The following PAX5 variants were observed in gnomAD, a reference collection of about 807,000 sequenced individuals.
The protein encoded by PAX5 is paired box 5.
PAX5 carries 9 observed loss-of-function variants against 43.7 expected under a neutral mutation model. That is an observed-to-expected ratio of 0.21 (90% CI 0.12 to 0.36). The LOEUF (loss-of-function observed/expected upper bound fraction) is 0.36. Ranked by LOEUF, PAX5 falls within the 10% of genes least tolerant of loss-of-function variation. The probability of loss-of-function intolerance (pLI) is 1.00; values close to 1 mark genes in which losing one functional copy is unlikely to be tolerated. For synonymous variants in PAX5, 228 were observed against 214.3 expected (o/e 1.06, Z -0.56); for missense variants, 383 against 532.7 (o/e 0.72, Z 2.77).
chr9:36,957,338 G>A (rs980892674), intron 6 of PAX5, among the ~76,000 whole-genome samples: 5 of 152,214 alleles, frequency 3.3e-5, no homozygotes, highest in Non-Finnish European at 5.9e-5. Context: ...TCTAAGGGGT[G>A]CTTAAGTTAA....
At chr9:36,846,726 C>A (rs1822612886) in intron 9 of PAX5, 117 bp downstream of exon 9, 1 of 664,726 alleles carries the variant, frequency 1.5e-6, no homozygotes, top group Non-Finnish European at 2.6e-6. Flanking sequence ...TCTGGGCAAG[C>A]TACCCACCCA....
intron 7 of PAX5, among the ~76,000 whole-genome samples, chr9:36,885,428 TG>T (rs1301347767): frequency 6.6e-6 from 1 of 152,110 alleles, no homozygotes; most frequent in Non-Finnish European, 1.5e-5. Context: ...ATCTATAAAA[TG>T]GGGAGGATAA....
rs139280605 is a variant in PAX5, at chr9:36,892,764, G to A, written c.911-10659C>T. Among the ~76,000 whole-genome samples the A allele has an allele frequency of 3.1e-4, 47 of 152,256 alleles. No homozygotes were observed. The East Asian group carries it at 7.9e-3, about 26-fold the overall frequency. ...ATAAATTATGATACTTGCCTGTGGT[G>A]GAATATTTATTATACAGTTTTGAGA... On this transcript the variant is annotated intron_variant, in intron 7 of 9. Transcript: ENST00000358127.
At chr9:36,895,040 C>T (rs1002396856) in intron 7 of PAX5, among the ~76,000 whole-genome samples, 1 of 152,224 alleles carries the variant, frequency 6.6e-6, no homozygotes, top group Non-Finnish European at 1.5e-5. Flanking sequence ...GTGAGTGAGA[C>T]AGCTCTGGGA....
intron 2 of PAX5, among the ~76,000 whole-genome samples, chr9:37,019,544 C>A (rs1182132344): frequency 2.0e-5 from 3 of 152,228 alleles, no homozygotes; most frequent in African/African-American, 2.4e-5. Flanking sequence ...CTCCTTCCAT[C>A]TGAGAGAATT....
intron 8 of PAX5, 54 bp from the exon 9 acceptor site, chr9:36,846,983 G>C (rs1346532977): frequency 7.5e-6 from 10 of 1,327,510 alleles, no homozygotes; most frequent in Non-Finnish European, 1.1e-5. Context: ...ATCCAGTTCA[G>C]AAAAGGCCCT....
rs1167552200 is a variant in PAX5, at chr9:36,882,237, CT to C, written c.911-133del. The C allele has an allele frequency of 1.7e-5, 11 of 633,342 alleles. No homozygotes were observed. Among genetic ancestry groups the C allele is most frequent in the African/African-American group, 3.7e-5 (2 of 53,758 alleles). 39.2% of individuals were successfully genotyped at this position (633,342 alleles called of 1,614,324 possible). A position where few individuals can be genotyped will look rare whatever the true frequency, so the allele number is the denominator to read the frequency against. ...ACGGCAATGTGCCCCCAGCTCCCCC[CT>C]GTCGCTCACACGCTCTCACAAACAC... is the stretch of plus-strand genomic sequence containing the variant. On this transcript the variant is annotated intron_variant, in intron 7 of 9. Coordinates refer to ENST00000358127, the MANE Select transcript of PAX5 (RefSeq NM_016734.3). This position sits in a 1 kb window ranked among gnomAD's most constrained non-coding sequence, Gnocchi z 4.4.
intron 8 of PAX5, among the ~76,000 whole-genome samples, chr9:36,865,255 C>T (rs907234347): frequency 4.6e-5 from 7 of 152,136 alleles, no homozygotes; most frequent in African/African-American, 7.2e-5. Flanking sequence ...GAGCATCCAT[C>T]GAGTCAGCAA....
chr9:36,864,048 G>T (rs1824537344), intron 8 of PAX5, among the ~76,000 whole-genome samples: 1 of 152,242 alleles, frequency 6.6e-6, no homozygotes, highest in Non-Finnish European at 1.5e-5. Context: ...GGCAGAGGTT[G>T]CAGTGAGCCG....
intron 6 of PAX5, among the ~76,000 whole-genome samples, chr9:36,935,664 A>G (rs1831490794): frequency 1.3e-5 from 2 of 152,242 alleles, no homozygotes; most frequent in Admixed American, 6.5e-5. Context: ...ACGGAATTTT[A>G]GTAAGCCCCA....
At chr9:37,023,194 A>G (rs893725963) in intron 1 of PAX5, among the ~76,000 whole-genome samples, 4 of 152,210 alleles carry the variant, frequency 2.6e-5, no homozygotes, top group Non-Finnish European at 5.9e-5. Context: ...GGGAAAAGGA[A>G]TGGAGAAGCT....
intron 2 of PAX5, among the ~76,000 whole-genome samples, chr9:37,017,634 T>TC (rs1839493539): frequency 6.6e-6 from 1 of 152,250 alleles, no homozygotes; most frequent in Non-Finnish European, 1.5e-5. Context: ...TGAATGGGAC[T>TC]GCAACATTCA....
intron 8 of PAX5, among the ~76,000 whole-genome samples, chr9:36,852,016 T>C (rs1007460082): frequency 5.9e-5 from 9 of 152,220 alleles, no homozygotes; most frequent in African/African-American, 2.2e-4. Context: ...TTTGGGTACA[T>C]GCATTCACCT....
intron 8 of PAX5, among the ~76,000 whole-genome samples, chr9:36,870,692 G>GT (rs1825406506): frequency 6.6e-6 from 1 of 152,206 alleles, no homozygotes; most frequent in Non-Finnish European, 1.5e-5. Context: ...TGGGACTTTA[G>GT]CCCAGGGCCT....
chr9:36,931,088 G>C, intron 6 of PAX5: 1 of 405,084 alleles, frequency 2.5e-6, no homozygotes, highest in South Asian at 1.8e-5. Context: ...CACCTGCTGG[G>C]CTCCTGTAGG....
intron 6 of PAX5, among the ~76,000 whole-genome samples, chr9:36,957,177 C>G (rs748320788): frequency 1.3e-5 from 2 of 152,242 alleles, no homozygotes; most frequent in South Asian, 4.1e-4. Context: ...AGCTTCTACA[C>G]GCTTCAGGTT....
At chr9:36,995,027 A>G (rs892366079) in intron 5 of PAX5, among the ~76,000 whole-genome samples, 6 of 151,980 alleles carry the variant, frequency 3.9e-5, no homozygotes, top group African/African-American at 1.5e-4. Context: ...GGGGACATGT[A>G]GACACCTCTC....
intron 6 of PAX5, among the ~76,000 whole-genome samples, chr9:36,958,128 C>T (rs573056782): frequency 2.2e-4 from 33 of 152,282 alleles, no homozygotes; most frequent in African/African-American, 7.0e-4. Flanking sequence ...AGTAGCCCTG[C>T]CCCTGCAGAA....
chr9:36,937,178 T>C lies in PAX5; in HGVS notation c.781-13694A>G, dbSNP rs1019569595. 5.9e-5 allele frequency among the ~76,000 whole-genome samples: 9 copies of C among 152,354 alleles called. No homozygotes were observed. The South Asian group carries it at 1.2e-3, about 21-fold the overall frequency. On this transcript the variant is annotated intron_variant, in intron 6 of 9. Coordinates refer to ENST00000358127, the MANE Select transcript of PAX5 (RefSeq NM_016734.3). ...GGAATAACTTGCATTGACTGGGTGC[T>C]TACTGTGTACCAGGTACTGTTCTAG...
Sources: allele counts gnomAD v4.1 joint callset (sites outside exome capture counted in the v4.1 genomes callset), GRCh38; gene constraint gnomAD v4.1.1; non-coding constraint Gnocchi (gnomAD v3.1); transcripts MANE v1.5; gene names NCBI Gene and HGNC (gene_info 2026-07-23, HGNC 2026-07-21).